Variants in DENND1B observed in about 807,000 individuals in gnomAD.
DENND1B encodes the protein DENN domain-containing protein 1B.
A neutral mutation model predicts 90.1 loss-of-function variants in DENND1B; 59 were observed. That is an observed-to-expected ratio of 0.65 (90% CI 0.53 to 0.81). The LOEUF is 0.81. DENND1B is among the 40% of genes least tolerant of loss of function. The pLI, the probability that DENND1B is intolerant of heterozygous loss-of-function variation, is 0.00. For synonymous variants in DENND1B, 337 were observed against 324.6 expected (o/e 1.04, Z -0.41); for missense variants, 862 against 912.6 (o/e 0.94, Z 0.71).
chr1:197,749,294 A>G (rs1653133732), intron 2 of DENND1B, among the ~76,000 whole-genome samples: 1 of 152,126 alleles, frequency 6.6e-6, no homozygotes, highest in African/African-American at 2.4e-5. Context: ...TATAGACCCA[A>G]GAAGCTCAAA....
intron 2 of DENND1B, among the ~76,000 whole-genome samples, chr1:197,745,444 GGA>G (rs1400676631): frequency 6.6e-6 from 1 of 151,978 alleles, no homozygotes. Flanking sequence ...GTGAGCCCCA[GGA>G]GAGGGAGAGA....
chr1:197,739,970 A>G (rs973119232), intron 2 of DENND1B, among the ~76,000 whole-genome samples: 5 of 152,222 alleles, frequency 3.3e-5, no homozygotes, highest in African/African-American at 1.2e-4. Flanking sequence ...CAGTTACCCT[A>G]TGAAAATTTT....
chr1:197,512,361 A>G (rs1668088569), intron 21 of DENND1B, among the ~76,000 whole-genome samples: 1 of 151,736 alleles, frequency 6.6e-6, no homozygotes, highest in South Asian at 2.1e-4. Flanking sequence ...GATATAGTTA[A>G]TGAAGAAAAA....
chr1:197,681,885 A>G (rs1484813897), intron 3 of DENND1B, among the ~76,000 whole-genome samples: 2 of 152,170 alleles, frequency 1.3e-5, no homozygotes, highest in South Asian at 2.1e-4. Flanking sequence ...TAGAAAACTG[A>G]TTTTTGTGCA....
At chr1:197,715,705 T>C (rs1047218732) in intron 2 of DENND1B, among the ~76,000 whole-genome samples, 3 of 151,872 alleles carry the variant, frequency 2.0e-5, no homozygotes, top group Non-Finnish European at 4.4e-5. Flanking sequence ...TATCTAGTAA[T>C]TAATATATAT....
At chr1:197,755,569 C>T (rs922464400) in intron 2 of DENND1B, among the ~76,000 whole-genome samples, 6 of 152,056 alleles carry the variant, frequency 3.9e-5, no homozygotes, top group Admixed American at 2.6e-4. Context: ...TGAGCTTAAA[C>T]TAATAAGAAT....
intron 9 of DENND1B, among the ~76,000 whole-genome samples, 188 bp downstream of exon 9, chr1:197,645,502 G>T (rs1182444667): frequency 6.6e-6 from 1 of 151,772 alleles, no homozygotes; most frequent in East Asian, 1.9e-4. Context: ...TAAGAAGAAG[G>T]TAAAGGGGCA....
chr1:197,772,265 C>T (rs1427406848), intron 2 of DENND1B, among the ~76,000 whole-genome samples: 2 of 152,154 alleles, frequency 1.3e-5, no homozygotes, highest in Non-Finnish European at 2.9e-5. Context: ...TTCACCAAAA[C>T]TAATGATAAC....
At chr1:197,705,572 T>C (rs1356112869) in intron 3 of DENND1B, among the ~76,000 whole-genome samples, 1 of 151,168 alleles carries the variant, frequency 6.6e-6, no homozygotes, top group Non-Finnish European at 1.5e-5. Context: ...ATCACTCTCA[T>C]GTGAACCCAA....
intron 15 of DENND1B, among the ~76,000 whole-genome samples, chr1:197,578,690 TA>T: frequency 6.6e-6 from 1 of 152,194 alleles, no homozygotes; most frequent in Non-Finnish European, 1.5e-5. Flanking sequence ...TATTGTCAAT[TA>T]AAATTTTTAA....
intron 14 of DENND1B, among the ~76,000 whole-genome samples, chr1:197,586,412 T>C (rs547336689): frequency 6.6e-6 from 1 of 152,308 alleles, no homozygotes; most frequent in South Asian, 2.1e-4. Context: ...ATTTCTAATA[T>C]GGTAAGTATT....
intron 15 of DENND1B, among the ~76,000 whole-genome samples, chr1:197,566,812 C>T (rs1672712878): frequency 6.6e-6 from 1 of 151,516 alleles, no homozygotes; most frequent in Non-Finnish European, 1.5e-5. Context: ...AAAAAAAATT[C>T]CTGGAAAAGG....
intron 3 of DENND1B, among the ~76,000 whole-genome samples, chr1:197,687,410 T>C (rs1376235666): frequency 1.3e-5 from 2 of 152,196 alleles, no homozygotes; most frequent in Admixed American, 6.5e-5. Context: ...GTTACTTTGA[T>C]ATTTTAACCA....
intron 16 of DENND1B, among the ~76,000 whole-genome samples, chr1:197,549,397 A>G (rs1571837358): frequency 6.6e-6 from 1 of 152,162 alleles, no homozygotes; most frequent in Admixed American, 6.6e-5. Flanking sequence ...GGAAAAATAA[A>G]TAAATGAACA....
intron 10 of DENND1B, 133 bp from the exon 11 acceptor site, chr1:197,617,892 C>A: frequency 1.5e-6 from 1 of 656,440 alleles, no homozygotes; most frequent in Non-Finnish European, 2.7e-6. Context: ...TTGTCTTTAT[C>A]ACTTCTACAT....
chr1:197,721,129 G>A (rs954032490), intron 2 of DENND1B, among the ~76,000 whole-genome samples: 72 of 144,226 alleles, frequency 5.0e-4, no homozygotes, highest in African/African-American at 1.7e-3. Context: ...GAGTGCAGTG[G>A]CACAATCTCT....
At chr1:197,698,334 A>G (rs1474360669) in intron 3 of DENND1B, among the ~76,000 whole-genome samples, 4 of 152,014 alleles carry the variant, frequency 2.6e-5, no homozygotes, top group African/African-American at 9.7e-5. Context: ...ATAATGAATC[A>G]GGCAGAAATC....
At chr1:197,592,003 G>A (rs1675258527) in intron 14 of DENND1B, among the ~76,000 whole-genome samples, 2 of 149,768 alleles carry the variant, frequency 1.3e-5, no homozygotes, top group African/African-American at 4.9e-5. Flanking sequence ...CTGCTACTCG[G>A]GACGCTGAGG....
Position 197,735,281 on chromosome 1 carries a change from G to A in DENND1B, c.83-20207C>T, listed in dbSNP as rs1571550208. 3 of 1,162,816 alleles carry A rather than the reference G, an allele frequency of 2.6e-6. No homozygotes were observed. The East Asian group carries it at 1.6e-4, about 63-fold the overall frequency. The allele number at this position is 1,162,816 out of a possible 1,614,324, so 72.0% of individuals were successfully genotyped here. A position where few individuals can be genotyped will look rare whatever the true frequency, so the allele number is the denominator to read the frequency against. ...AAATACATCCACCCAAATACTGGAG[G>A]CAGAATGGCTTTATTCTACTATACC... On this transcript the variant is annotated intron_variant, in intron 2 of 22. Transcript: ENST00000620048.
Sources: allele counts gnomAD v4.1 joint callset (sites outside exome capture counted in the v4.1 genomes callset), GRCh38; gene constraint gnomAD v4.1.1; transcripts MANE v1.5; gene names NCBI Gene and HGNC (gene_info 2026-07-23, HGNC 2026-07-21).